MCM3AP: variants seen among roughly 807,000 people sequenced by gnomAD.
MCM3AP encodes germinal-center associated nuclear protein.
Under a neutral mutation model 184.1 loss-of-function variants are expected in MCM3AP, and 126 were observed. The ratio of observed to expected loss-of-function variants is 0.68; its 90% CI spans 0.59 to 0.79. The LOEUF is 0.79. Ranked by LOEUF, MCM3AP falls within the 30% of genes least tolerant of loss-of-function variation. The pLI, the probability that MCM3AP is intolerant of heterozygous loss-of-function variation, is 0.00. For synonymous variants in MCM3AP, 1,002 were observed against 979.3 expected, an observed-to-expected ratio of 1.02 and a Z score of -0.43; for missense variants, 2,496 against 2,479.2, an observed-to-expected ratio of 1.01 and a Z score of -0.14.
intron 17 of MCM3AP, 48 bp from the exon 18 acceptor site, chr21:46,254,892 A>G (rs1031749950): frequency 1.4e-6 from 2 of 1,393,602 alleles, no homozygotes. Context: ...GCTTAGTGAG[A>G]AGTACTGGCT....
intron 20 of MCM3AP, chr21:46,249,519 A>C: frequency 4.6e-6 from 2 of 435,616 alleles, no homozygotes; most frequent in Non-Finnish European, 9.1e-6. Context: ...ATAATTTTAC[A>C]AACGTAGCTA....
chr21:46,262,324 TACCAAAGACAG>T (rs1335627334), intron 13 of MCM3AP, among the ~76,000 whole-genome samples: 3 of 152,176 alleles, frequency 2.0e-5, no homozygotes, highest in Admixed American at 6.5e-5. Context: ...ATTGCTCTAA[TACCAAAGACAG>T]ACCAAAGACA....
intron 20 of MCM3AP, chr21:46,250,656 G>C (rs1450321763): frequency 2.0e-5 from 3 of 152,202 alleles, no homozygotes; most frequent in African/African-American, 7.2e-5. Context: ...ACTAGAGTGA[G>C]CTGGGAAGTA....
At chr21:46,246,952 C>T in intron 20 of MCM3AP, 66 bp from the exon 21 acceptor site, 1 of 1,552,946 alleles carries the variant, frequency 6.4e-7, no homozygotes, top group Non-Finnish European at 8.8e-7. Context: ...ACTGATCTGC[C>T]CCAGAGCAAG....
At chr21:46,286,142 C>G (rs2081421883), upstream of MCM3AP, 1 of 152,272 alleles carries the variant, frequency 6.6e-6, no homozygotes, top group African/African-American at 2.4e-5. Context: ...GCCCAGCCCC[C>G]ACGCTCACCG....
chr21:46,246,631 C>G lies in MCM3AP; in HGVS notation c.4546G>C (p.Asp1516His), dbSNP rs1226617979. Residue 1516 changes from aspartate to histidine, a missense_variant, in exon 21 of 28, where the codon GAT (aspartate) becomes CAT (histidine). Asp to His is a moderately conservative substitution (Grantham distance 81, BLOSUM62 -1). Transcript: ENST00000291688. ...AAACGAGACTTCCTTCACAAACCAT[C>G]TTCTACTTCCTTCTCAACGGCGTCC... ...GGDAVEKEVE[D>H]GLMLQDLVSA... The G allele has an allele frequency of 1.2e-6, 2 of 1,609,600 alleles. No individual in the cohort carries two copies. Among genetic ancestry groups the G allele is most frequent in the Non-Finnish European group, 8.5e-7 (1 of 1,176,112 alleles).
chr21:46,268,379 T>G (rs941150087), intron 9 of MCM3AP, among the ~76,000 whole-genome samples: 3 of 152,330 alleles, frequency 2.0e-5, no homozygotes, highest in Non-Finnish European at 2.9e-5. Context: ...TTTTTAATGC[T>G]GAGAGTACAA....
Position 46,265,522 on chromosome 21 carries a change from G to A in MCM3AP, c.3033C>T (p.Gly1011=), listed in dbSNP as rs548479623. 1.1e-4 allele frequency: 171 copies of A among 1,584,462 alleles called. 1 individual carries two copies. Among genetic ancestry groups the A allele is most frequent in the South Asian group, 9.2e-4 (80 of 86,850 alleles). ...STQRPGSDTV[G]GGRGEECGVE... The stretch of plus-strand genomic sequence containing the variant: ...CACCACACTCCTCTCCTCTCCCTCC[G>A]CCTGGAAGGAAACATACAGGACAAA... The change falls in exon 12 of 28, where the codon GGC becomes GGT. Residue 1011 remains glycine (G), a splice_region_variant and synonymous_variant. Coordinates refer to ENST00000291688, the MANE Select transcript of MCM3AP (RefSeq NM_003906.5).
rs775437982 is a variant in MCM3AP, at chr21:46,254,800, T to G, written c.3977A>C (p.Gln1326Pro). Reference protein sequence around the residue: ...RNKTAHQMKVQHFYQQLLSDV... With the variant: ...RNKTAHQMKVPHFYQQLLSDV... Reference sequence around the variant, plus strand: ...CCTCAGCAGCTGCTGGTAGAAGTGCTGAACCTTCATCTGGTGAGCTGTCTT... The same window carrying G: ...CCTCAGCAGCTGCTGGTAGAAGTGCGGAACCTTCATCTGGTGAGCTGTCTT... The change falls in exon 18 of 28, where the codon CAG (glutamine) becomes CCG (proline). Residue 1326 changes from glutamine to proline, a missense_variant. Gln to Pro is a moderately conservative substitution (Grantham distance 76, BLOSUM62 -1). This residue lies in a region of MCM3AP where 1,323 missense variants were observed against 1,273.4 expected (regional missense o/e 1.04). Transcript: ENST00000291688. The G allele has an allele frequency of 2.1e-5, 34 of 1,614,004 alleles. No homozygotes were observed. The highest frequency in any genetic ancestry group is 2.5e-5 in the Non-Finnish European group (29 of 1,179,988).
chr21:46,283,275 G>T (rs2081356554), intron 2 of MCM3AP, among the ~76,000 whole-genome samples: 1 of 152,106 alleles, frequency 6.6e-6, no homozygotes, highest in Admixed American at 6.5e-5. Flanking sequence ...CATCTTCTAT[G>T]ACCAAATAAA....
chr21:46,274,308 G>T (rs1174442571), intron 6 of MCM3AP, among the ~76,000 whole-genome samples: 1 of 152,218 alleles, frequency 6.6e-6, no homozygotes. Flanking sequence ...TTCAGGAAAG[G>T]TCATACCCTC....
intron 9 of MCM3AP, among the ~76,000 whole-genome samples, chr21:46,268,456 G>A (rs1220376005): frequency 1.3e-5 from 2 of 152,228 alleles, no homozygotes; most frequent in African/African-American, 4.8e-5. Context: ...CAATGCCACA[G>A]AAAACAAACA....
intron 20 of MCM3AP, among the ~76,000 whole-genome samples, chr21:46,248,857 T>C (rs1176425690): frequency 6.6e-6 from 1 of 151,600 alleles, no homozygotes; most frequent in African/African-American, 2.4e-5. Context: ...AGATTGAAAA[T>C]AGGATAGAAA....
In MCM3AP at chr21:46,284,964, G is replaced by A. The variant is rs1482669418; in HGVS notation, c.323C>T (p.Thr108Ile). Reference protein sequence around the residue: ...GPSSSSVLGNTGFSFKSPTSV... With the variant: ...GPSSSSVLGNIGFSFKSPTSV... ...GGTGGGTGATTTAAAACTAAATCCTGTGTTTCCCAGCACAGATGAACTTGA... is the reference window on the plus strand; with the variant it reads ...GGTGGGTGATTTAAAACTAAATCCTATGTTTCCCAGCACAGATGAACTTGA... The change falls in exon 1 of 28, where the codon ACA (threonine) becomes ATA (isoleucine). Residue 108 changes from threonine to isoleucine, a missense_variant. This residue lies in a region of MCM3AP where 800 missense variants were observed against 717.1 expected (regional missense o/e 1.12). Transcript: ENST00000291688. The A allele has an allele frequency of 1.2e-6, 2 of 1,614,114 alleles. No individual in the cohort carries two copies. The highest frequency in any genetic ancestry group is 1.7e-6 in the Non-Finnish European group (2 of 1,180,034).
chr21:46,241,035 G>A lies in MCM3AP; in HGVS notation c.5427-18C>T. On this transcript the variant is annotated intron_variant, in intron 25 of 27. Coordinates refer to ENST00000291688, the MANE Select transcript of MCM3AP (RefSeq NM_003906.5). ...TTGCCAAACTGTAAGTACATGATTT[G>A]AAATGTTTATGGTCAAGAGAAAATA... 1 of 1,572,610 alleles carries A rather than the reference G, an allele frequency of 6.4e-7. No homozygotes were observed. Among genetic ancestry groups the A allele is most frequent in the Non-Finnish European group, 8.7e-7 (1 of 1,145,558 alleles).
chr21:46,279,295 A>G (rs77984051), intron 4 of MCM3AP, among the ~76,000 whole-genome samples: 3 of 150,738 alleles, frequency 2.0e-5, no homozygotes, highest in African/African-American at 4.9e-5. Flanking sequence ...CAAAAAAAAA[A>G]GGAATGCATG....
chr21:46,243,291 T>A (rs1340682664), intron 24 of MCM3AP, 174 bp downstream of exon 24: 1 of 834,960 alleles, frequency 1.2e-6, no homozygotes, highest in Non-Finnish European at 1.9e-6. Context: ...ACCAGAAACT[T>A]CCTAGCCTGT....
intron 13 of MCM3AP, among the ~76,000 whole-genome samples, chr21:46,262,322 A>G (rs1287925491): frequency 6.6e-6 from 1 of 152,204 alleles, no homozygotes; most frequent in East Asian, 1.9e-4. Flanking sequence ...GCATTGCTCT[A>G]ATACCAAAGA....
intron 9 of MCM3AP, 181 bp from the exon 10 acceptor site, chr21:46,267,323 G>A: frequency 1.7e-6 from 1 of 602,042 alleles, no homozygotes; most frequent in Non-Finnish European, 2.9e-6. Context: ...GTCTGCTCAG[G>A]GGCAGTGCTC....
Sources: gnomAD v4.1 joint callset for allele counts (sites outside exome capture counted in the v4.1 genomes callset) on GRCh38, gnomAD v4.1.1 for gene constraint, gnomAD v4.1.1 regional missense constraint, MANE v1.5 for transcripts, NCBI Gene and HGNC (gene_info 2026-07-23, HGNC 2026-07-21) for gene names.